The following HDAC9 variants were observed in gnomAD, a reference collection of about 807,000 sequenced individuals.
HDAC9 encodes MEF-2 interacting transcription repressor (MITR) protein.
A neutral mutation model predicts 139.4 loss-of-function variants in HDAC9; 41 were observed. That is an observed-to-expected ratio of 0.29 (90% CI 0.23 to 0.38). HDAC9 has a LOEUF of 0.38. Among genes scored for constraint, HDAC9 ranks in the 10% least tolerant of loss-of-function variants. The pLI is 1.00. For missense variants in HDAC9, 1,147 were observed against 1,297.0 expected (o/e 0.88, Z 1.78); for synonymous variants, 517 against 476.2 (o/e 1.09, Z -1.12).
chr7:18,166,703 G>A (rs1788035492), intron 2 of HDAC9, among the ~76,000 whole-genome samples: 1 of 152,166 alleles, frequency 6.6e-6, no homozygotes, highest in African/African-American at 2.4e-5. Flanking sequence ...ATGGGACCCA[G>A]AAGGCCTGCC....
chr7:18,475,967 CT>C (rs1407641115), intron 1 of HDAC9, among the ~76,000 whole-genome samples: 1 of 152,188 alleles, frequency 6.6e-6, no homozygotes, highest in Non-Finnish European at 1.5e-5. Context: ...TTTATGTGTG[CT>C]TTCTGTAGCC....
At chr7:18,170,292 C>T (rs924450761) in intron 2 of HDAC9, among the ~76,000 whole-genome samples, 4 of 152,142 alleles carry the variant, frequency 2.6e-5, no homozygotes, top group African/African-American at 4.8e-5. Context: ...CCTTTGCACA[C>T]TTTTTGATGG....
intron 2 of HDAC9, among the ~76,000 whole-genome samples, chr7:18,563,725 A>ACCC (rs71014390): frequency 6.7e-6 from 1 of 148,296 alleles, no homozygotes; most frequent in Middle Eastern, 3.5e-3. Flanking sequence ...GAACCACCCA[A>ACCC]CCCCCCCCAT....
At chr7:18,199,466 T>C (rs1052579330) in intron 2 of HDAC9, among the ~76,000 whole-genome samples, 1 of 152,120 alleles carries the variant, frequency 6.6e-6, no homozygotes, top group Admixed American at 6.6e-5. Context: ...CTGCTGTTAT[T>C]GTTTGCTCTG....
At chr7:18,127,978 T>C (rs1784775753) in intron 1 of HDAC9, among the ~76,000 whole-genome samples, 1 of 152,168 alleles carries the variant, frequency 6.6e-6, no homozygotes, top group Non-Finnish European at 1.5e-5. Context: ...TCTTAAACTA[T>C]ATTTTCACTT....
intron 1 of HDAC9, among the ~76,000 whole-genome samples, chr7:18,433,100 C>A (rs1790838370): frequency 6.6e-6 from 1 of 151,976 alleles, no homozygotes; most frequent in South Asian, 2.1e-4. Flanking sequence ...ATGCTCAAAT[C>A]AATAAAAATG....
chr7:18,644,570 CT>C, intron 8 of HDAC9, 100 bp from the exon 9 acceptor site: 1 of 888,576 alleles, frequency 1.1e-6, no homozygotes, highest in Admixed American at 3.3e-5. Flanking sequence ...TACTTAAAAT[CT>C]TTTCTTAATT....
At chr7:18,345,536 T>G (rs562660357) in intron 1 of HDAC9, among the ~76,000 whole-genome samples, 1 of 143,524 alleles carries the variant, frequency 7.0e-6, no homozygotes, top group East Asian at 2.0e-4. Context: ...TGTGTTCTCA[T>G]AAGACACTTT....
chr7:18,392,396 GATGGATA>G (rs1317068336), intron 1 of HDAC9, among the ~76,000 whole-genome samples: 5 of 120,300 alleles, frequency 4.2e-5, no homozygotes, highest in Admixed American at 1.7e-4. Context: ...TGGATAGATA[GATGGATA>G]GATAGATAGA....
chr7:18,944,435 C>T (rs145499833), intron 23 of HDAC9, among the ~76,000 whole-genome samples: 2 of 152,254 alleles, frequency 1.3e-5, no homozygotes, highest in African/African-American at 4.8e-5. Context: ...ACTTTGTTTC[C>T]TGGAAGGACA....
chr7:18,909,170 C>G (rs557104365), intron 22 of HDAC9, among the ~76,000 whole-genome samples: 14 of 152,038 alleles, frequency 9.2e-5, no homozygotes, highest in East Asian at 7.7e-4. Context: ...TTTTCATATG[C>G]CTGTTAGCCA....
At chr7:18,209,882 A>T (rs1294185981) in intron 2 of HDAC9, among the ~76,000 whole-genome samples, 3 of 151,946 alleles carry the variant, frequency 2.0e-5, no homozygotes, top group East Asian at 1.9e-4. Context: ...TTGTATTTTT[A>T]GTAGAGATGG....
intron 16 of HDAC9, among the ~76,000 whole-genome samples, chr7:18,777,370 G>T (rs909449160): frequency 1.3e-5 from 2 of 151,704 alleles, no homozygotes; most frequent in Non-Finnish European, 2.9e-5. Context: ...GCATTTTAGT[G>T]TCTTCTTGAA....
At chr7:18,637,096 A>G (rs527627660) in intron 8 of HDAC9, among the ~76,000 whole-genome samples, 1 of 152,210 alleles carries the variant, frequency 6.6e-6, no homozygotes, top group African/African-American at 2.4e-5. Context: ...CACTTACAAC[A>G]TGGGAGGATT....
chr7:18,905,893 C>A lies in HDAC9; in HGVS notation c.2804-29916C>A. ...TTCCTTTCTTTTCCTTCTTTCCTTT[C>A]TTTTCCTTCTTTTCTTTCTTTTCTT... On this transcript the variant is annotated intron_variant, in intron 22 of 25. Coordinates refer to ENST00000686413, the MANE Select transcript of HDAC9 (RefSeq NM_178425.4). 1.3e-5 allele frequency among the ~76,000 whole-genome samples: 2 copies of A among 150,844 alleles called. 1 individual carries two copies. The highest frequency in any genetic ancestry group is 4.2e-4 in the South Asian group (2 of 4,768).
At chr7:18,785,357 C>T (rs895670507) in intron 16 of HDAC9, among the ~76,000 whole-genome samples, 9 of 151,882 alleles carry the variant, frequency 5.9e-5, no homozygotes, top group South Asian at 2.1e-4. Flanking sequence ...TCGTAGGATG[C>T]GTAGTGGCAT....
At chr7:18,208,328 A>G (rs1380412801) in intron 2 of HDAC9, among the ~76,000 whole-genome samples, 2 of 150,304 alleles carry the variant, frequency 1.3e-5, no homozygotes, top group African/African-American at 4.9e-5. Flanking sequence ...ATTTTAATTT[A>G]TGGGATGGAC....
At chr7:18,342,839 A>C (rs891259822) in intron 1 of HDAC9, among the ~76,000 whole-genome samples, 2 of 151,878 alleles carry the variant, frequency 1.3e-5, no homozygotes, top group Non-Finnish European at 2.9e-5. Context: ...AAACAAGCTG[A>C]ATATTTGCGT....
intron 17 of HDAC9, among the ~76,000 whole-genome samples, chr7:18,815,956 A>G (rs1182061761): frequency 6.6e-6 from 1 of 152,172 alleles, no homozygotes; most frequent in Non-Finnish European, 1.5e-5. Context: ...TCTAAAGCAA[A>G]CTGTCTTTTT....
Sources: allele counts gnomAD v4.1 joint callset (sites outside exome capture counted in the v4.1 genomes callset), GRCh38; gene constraint gnomAD v4.1.1; transcripts MANE v1.5; gene names NCBI Gene and HGNC (gene_info 2026-07-23, HGNC 2026-07-21).